Variants in RAD51 observed in about 807,000 individuals in gnomAD.
RAD51 encodes DNA repair protein RAD51 homolog 1.
RAD51 carries 14 observed loss-of-function variants against 41.5 expected under a neutral mutation model. The ratio of observed to expected loss-of-function variants is 0.34; its 90% CI spans 0.22 to 0.53. The LOEUF (loss-of-function observed/expected upper bound fraction) is 0.53, where lower values mean the gene tolerates loss of function less well. Among genes scored for constraint, RAD51 ranks in the 20% least tolerant of loss-of-function variants. The pLI, the probability that RAD51 is intolerant of heterozygous loss-of-function variation, is 0.95. For missense variants in RAD51, 234 were observed against 422.0 expected (o/e 0.55, Z 3.90); for synonymous variants, 136 against 148.6 (o/e 0.92, Z 0.62).
intron 2 of RAD51, 128 bp from the exon 3 acceptor site, chr15:40,700,936 C>T (rs997968748): frequency 2.3e-6 from 2 of 867,598 alleles, no homozygotes; most frequent in Admixed American, 2.6e-5. Flanking sequence ...CCCGCCCCCC[C>T]AAGGATTTCA....
intron 5 of RAD51, among the ~76,000 whole-genome samples, chr15:40,710,037 T>C (rs1359412908): frequency 1.3e-5 from 2 of 151,770 alleles, no homozygotes; most frequent in Non-Finnish European, 2.9e-5. Context: ...GGTCAGGAGA[T>C]TGAGACCATC....
chr15:40,730,775 G>A (rs1250308086), intron 9 of RAD51, among the ~76,000 whole-genome samples: 2 of 151,712 alleles, frequency 1.3e-5, no homozygotes, highest in Non-Finnish European at 2.9e-5. Context: ...GCCCAACTCA[G>A]CCTCCCAAAG....
At position 40,718,039 on chromosome 15, in the gene RAD51, C is replaced by T. The variant is rs45599843; in HGVS notation, c.436-766C>T. ...TTGAGTCCAGGAGTTCAAGACCAGC[C>T]TGGGCAATGTGGCAAAACCCTATCT... On this transcript the variant is annotated intron_variant, in intron 5 of 9. Coordinates refer to ENST00000267868, the MANE Select transcript of RAD51 (RefSeq NM_002875.5). 6.6e-3 allele frequency among the ~76,000 whole-genome samples: 1,004 copies of T among 152,182 alleles called. 7 individuals are homozygous for T. The highest frequency in any genetic ancestry group is 0.022 in the African/African-American group (934 of 41,514).
chr15:40,706,055 C>T, intron 3 of RAD51, 122 bp from the exon 4 acceptor site: 4 of 684,016 alleles, frequency 5.8e-6, no homozygotes, highest in South Asian at 1.8e-5. Context: ...GATATTTTCT[C>T]TTCCCATTGC....
intron 5 of RAD51, among the ~76,000 whole-genome samples, chr15:40,718,439 A>G (rs1896093191): frequency 1.4e-5 from 2 of 146,618 alleles, no homozygotes; most frequent in South Asian, 4.4e-4. Flanking sequence ...AGTTGCTTGA[A>G]CCCAGGAGGT....
rs551799452 is a variant in RAD51 at position 40,704,807 on chromosome 15, C to T, written c.226-1370C>T. ...ACCTCAGCCTCCCGAGTAGCTGGGA[C>T]TACAGGCGCGTGCCACCACGCCCGG... On this transcript the variant is annotated intron_variant, in intron 3 of 9. Transcript: ENST00000267868. 5.9e-5 allele frequency among the ~76,000 whole-genome samples: 9 copies of T among 151,292 alleles called. 1 individual carries two copies. In the South Asian group the frequency reaches 1.9e-3, roughly 32 times the overall value.
rs1894536813 is a variant in RAD51 at position 40,695,230 on chromosome 15, G to A, written c.-198G>A. 6.6e-6 allele frequency: 1 copy of A among 152,390 alleles called. No homozygotes were observed. Among genetic ancestry groups the A allele is most frequent in the Admixed American group, 6.5e-5 (1 of 15,270 alleles). 9.4% of individuals were successfully genotyped at this position (152,390 alleles called of 1,614,324 possible). A position where few individuals can be genotyped will look rare whatever the true frequency, so the allele number is the denominator to read the frequency against. On this transcript the variant is annotated 5_prime_UTR_variant, in exon 1 of 10. Coordinates refer to ENST00000267868, the MANE Select transcript of RAD51 (RefSeq NM_002875.5). ...GCGGCCAGAGACCGAGCCCTAAGGA[G>A]AGTGCGGCGCTTCCCGAGGCGTGCA...
chr15:40,712,634 C>T (rs1399429512), intron 5 of RAD51, among the ~76,000 whole-genome samples: 1 of 152,150 alleles, frequency 6.6e-6, no homozygotes, highest in African/African-American at 2.4e-5. Flanking sequence ...CTGGCCCATG[C>T]CCATGGACCA....
intron 6 of RAD51, 104 bp from the exon 7 acceptor site, chr15:40,728,607 A>G: frequency 1.1e-6 from 1 of 926,200 alleles, no homozygotes; most frequent in South Asian, 1.3e-5. Flanking sequence ...TACTGTCAGT[A>G]CCACTTCTTC....
intron 5 of RAD51, among the ~76,000 whole-genome samples, chr15:40,714,570 A>T (rs1895891900): frequency 6.6e-6 from 1 of 152,248 alleles, no homozygotes. Flanking sequence ...TAGCCTGTTA[A>T]AATAACATTT....
intron 6 of RAD51, among the ~76,000 whole-genome samples, chr15:40,728,017 G>A (rs912809247): frequency 1.3e-5 from 2 of 151,882 alleles, no homozygotes; most frequent in African/African-American, 2.4e-5. Flanking sequence ...CTGCCACCAC[G>A]CCCGGCTAAT....
chr15:40,702,361 G>T (rs1042913335), intron 3 of RAD51, among the ~76,000 whole-genome samples: 1 of 152,144 alleles, frequency 6.6e-6, no homozygotes. Context: ...CTTGGTTTCA[G>T]AAATCAAGTC....
chr15:40,709,466 C>G lies in RAD51; in HGVS notation c.435+350C>G, dbSNP rs1273998033. Among the ~76,000 whole-genome samples, 4 of 147,322 alleles carry G rather than the reference C, an allele frequency of 2.7e-5. No individual in the cohort carries two copies. The East Asian group carries it at 8.2e-4, about 30-fold the overall frequency. The stretch of plus-strand genomic sequence containing the variant: ...ATCTCAGCTCACTGCAACCTCCTCT[C>G]TGGTTCAAGTGATTCTCCTTCATCA... On this transcript the variant is annotated intron_variant, in intron 5 of 9. Coordinates refer to ENST00000267868, the MANE Select transcript of RAD51 (RefSeq NM_002875.5).
rs45494798 is a variant in RAD51 at position 40,715,309 on chromosome 15, C to T, written c.436-3496C>T. Among the ~76,000 whole-genome samples, 150 of 152,120 alleles carry T rather than the reference C, an allele frequency of 9.9e-4. 1 individual carries two copies. The highest frequency in any genetic ancestry group is 3.4e-3 in the African/African-American group (141 of 41,516). On this transcript the variant is annotated intron_variant, in intron 5 of 9. Transcript: ENST00000267868. The stretch of plus-strand genomic sequence containing the variant: ...AGTGGAGGTTGCAGTGAGCTGAGAT[C>T]GTGCCACTGCACTCCAGCCTGGGCA...
chr15:40,705,899 C>T (rs1895305508), intron 3 of RAD51, among the ~76,000 whole-genome samples: 2 of 152,190 alleles, frequency 1.3e-5, no homozygotes, highest in Admixed American at 6.5e-5. Flanking sequence ...AGCCATCGCA[C>T]CCGGCCGGAT....
intron 5 of RAD51, among the ~76,000 whole-genome samples, chr15:40,714,245 C>G (rs2141848340): frequency 6.6e-6 from 1 of 152,162 alleles, no homozygotes; most frequent in South Asian, 2.1e-4. Context: ...GTTATAGAAG[C>G]TATAGCTATT....
At chr15:40,700,022 A>G (rs2141817084) in intron 2 of RAD51, among the ~76,000 whole-genome samples, 1 of 152,348 alleles carries the variant, frequency 6.6e-6, no homozygotes, top group South Asian at 2.1e-4. Context: ...ATTTGTGATA[A>G]ACATTTGAAA....
chr15:40,699,996 G>C (rs1894884585), intron 2 of RAD51, among the ~76,000 whole-genome samples: 1 of 152,052 alleles, frequency 6.6e-6, no homozygotes, highest in African/African-American at 2.4e-5. Flanking sequence ...AAAGACTCTA[G>C]AAGTTACTTA....
At chr15:40,709,364 C>T (rs1056889913) in intron 5 of RAD51, among the ~76,000 whole-genome samples, 1 of 145,792 alleles carries the variant, frequency 6.9e-6, no homozygotes, top group Admixed American at 7.0e-5. Flanking sequence ...CCTGGCTTTA[C>T]TTGCTACTTT....
Sources: allele counts gnomAD v4.1 joint callset (sites outside exome capture counted in the v4.1 genomes callset), GRCh38; gene constraint gnomAD v4.1.1; transcripts MANE v1.5; gene names NCBI Gene and HGNC (gene_info 2026-07-23, HGNC 2026-07-21).